Variants in GPC5 observed in about 807,000 individuals in gnomAD.
GPC5 encodes glypican-5.
A neutral mutation model predicts 53.9 loss-of-function variants in GPC5; 47 were observed. That is an observed-to-expected ratio of 0.87 (90% CI 0.69 to 1.11). The LOEUF is 1.11. GPC5 is among the 50% of genes most tolerant of loss of function. The pLI, the probability that GPC5 is intolerant of heterozygous loss-of-function variation, is 0.00. For missense variants in GPC5, 748 were observed against 713.1 expected (o/e 1.05, Z -0.56); for synonymous variants, 286 against 263.3 (o/e 1.09, Z -0.84).
rs143493150 is a variant in GPC5, at chr13:92,050,816, T to G, written c.1402-94014T>G. On this transcript the variant is annotated intron_variant, in intron 6 of 7. Coordinates refer to ENST00000377067, the MANE Select transcript of GPC5 (RefSeq NM_004466.6). ...CAGTGTTCCAAAAGATATTAATAGA[T>G]CACCCTAAGAAAACATAGCTTCAAG... Among the ~76,000 whole-genome samples the G allele has an allele frequency of 5.0e-3, 761 of 152,264 alleles. 5 individuals carry two copies. The highest frequency in any genetic ancestry group is 0.017 in the African/African-American group (714 of 41,546).
chr13:92,739,785 C>G (rs868400831), intron 7 of GPC5, among the ~76,000 whole-genome samples: 6 of 151,594 alleles, frequency 4.0e-5, no homozygotes, highest in South Asian at 2.1e-4. Context: ...AAAGAATAGT[C>G]CCTTGATCCA....
chr13:92,529,916 C>G (rs996982976), intron 7 of GPC5, among the ~76,000 whole-genome samples: 1 of 151,956 alleles, frequency 6.6e-6, no homozygotes, highest in Non-Finnish European at 1.5e-5. Context: ...AACCCCGTCT[C>G]TACTATAAAT....
intron 7 of GPC5, among the ~76,000 whole-genome samples, chr13:92,206,155 A>G (rs894347891): frequency 1.8e-5 from 1 of 54,926 alleles, no homozygotes; most frequent in Non-Finnish European, 3.5e-5. Flanking sequence ...TGTTTTTTTT[A>G]TTTTTTTTTT....
chr13:92,789,774 G>A (rs1876396965), intron 7 of GPC5, among the ~76,000 whole-genome samples: 1 of 152,072 alleles, frequency 6.6e-6, no homozygotes, highest in African/African-American at 2.4e-5. Flanking sequence ...TAGGATAGAT[G>A]TATATATGAA....
At chr13:91,962,860 C>T (rs980744428) in intron 6 of GPC5, among the ~76,000 whole-genome samples, 2 of 152,100 alleles carry the variant, frequency 1.3e-5, no homozygotes, top group African/African-American at 4.8e-5. Context: ...CCAATTTAGC[C>T]TACTGGTGTG....
chr13:91,888,138 G>C (rs921871329), intron 5 of GPC5, among the ~76,000 whole-genome samples: 2 of 152,180 alleles, frequency 1.3e-5, no homozygotes, highest in African/African-American at 4.8e-5. Flanking sequence ...TCACAATCAT[G>C]GCAGAAGATG....
At chr13:91,503,732 A>T (rs1283202007) in intron 2 of GPC5, among the ~76,000 whole-genome samples, 7 of 150,422 alleles carry the variant, frequency 4.7e-5, no homozygotes, top group Non-Finnish European at 1.0e-4. Flanking sequence ...GTGAGCCAAG[A>T]TCATACCATT....
chr13:92,265,174 T>G (rs1471961667), intron 7 of GPC5, among the ~76,000 whole-genome samples: 1 of 152,068 alleles, frequency 6.6e-6, no homozygotes, highest in Non-Finnish European at 1.5e-5. Context: ...GCCATACCCT[T>G]AGTATTCTCT....
intron 7 of GPC5, among the ~76,000 whole-genome samples, chr13:92,799,324 T>G (rs1405118002): frequency 6.6e-6 from 1 of 151,810 alleles, no homozygotes; most frequent in Non-Finnish European, 1.5e-5. Context: ...ATTTATATGT[T>G]AAATTAGCAG....
intron 6 of GPC5, among the ~76,000 whole-genome samples, chr13:92,119,610 C>T (rs60660622): frequency 0.47 from 57,818 of 121,744 alleles, 13,261 homozygotes; most frequent in Admixed American, 0.57. Context: ...TTAGTAGAGA[C>T]GGGGTTTCAC....
intron 7 of GPC5, among the ~76,000 whole-genome samples, chr13:92,846,991 C>T (rs1244148441): frequency 6.6e-6 from 1 of 152,154 alleles, no homozygotes; most frequent in Non-Finnish European, 1.5e-5. Context: ...TCTAAGACTA[C>T]ATGGAGATGC....
At chr13:91,994,311 G>A (rs549779635) in intron 6 of GPC5, among the ~76,000 whole-genome samples, 141 of 152,234 alleles carry the variant, frequency 9.3e-4, no homozygotes, top group African/African-American at 3.3e-3. Context: ...ATCCATAATT[G>A]TGCCTGACAC....
At chr13:92,600,758 C>T (rs1321699009) in intron 7 of GPC5, among the ~76,000 whole-genome samples, 5 of 151,858 alleles carry the variant, frequency 3.3e-5, no homozygotes, top group African/African-American at 4.8e-5. Context: ...GCACACACCT[C>T]GGCCTCCCAA....
At chr13:92,384,818 T>A (rs897726683) in intron 7 of GPC5, among the ~76,000 whole-genome samples, 5 of 152,178 alleles carry the variant, frequency 3.3e-5, no homozygotes, top group Non-Finnish European at 5.9e-5. Flanking sequence ...GATGGAATCA[T>A]GCATTAATGA....
At chr13:92,568,005 A>G (rs1882912895) in intron 7 of GPC5, among the ~76,000 whole-genome samples, 1 of 152,172 alleles carries the variant, frequency 6.6e-6, no homozygotes, top group African/African-American at 2.4e-5. Flanking sequence ...AGCAATAGAG[A>G]CTAACAGAAT....
intron 6 of GPC5, among the ~76,000 whole-genome samples, chr13:92,057,963 T>C (rs2041089967): frequency 6.6e-6 from 1 of 152,132 alleles, no homozygotes. Context: ...GCAGGTTAGT[T>C]CTGGACGGAG....
intron 2 of GPC5, among the ~76,000 whole-genome samples, chr13:91,478,404 GT>G (rs1272673554): frequency 2.0e-5 from 3 of 151,402 alleles, no homozygotes; most frequent in Non-Finnish European, 4.4e-5. Context: ...ATTTTTTAAT[GT>G]CATAAAAATG....
chr13:92,724,563 AACATAC>A, intron 7 of GPC5, among the ~76,000 whole-genome samples: 1 of 151,794 alleles, frequency 6.6e-6, no homozygotes, highest in East Asian at 1.9e-4. Context: ...CATTTGCAAC[AACATAC>A]ATGAACCTAG....
chr13:91,728,507 C>T (rs1490766816), intron 3 of GPC5, 25 bp from the exon 4 acceptor site: 2 of 1,600,868 alleles, frequency 1.2e-6, no homozygotes, highest in Admixed American at 1.7e-5. Context: ...TTTCTAACTA[C>T]CTTTTAATGT....
Sources: allele counts gnomAD v4.1 joint callset (sites outside exome capture counted in the v4.1 genomes callset), GRCh38; gene constraint gnomAD v4.1.1; transcripts MANE v1.5; gene names NCBI Gene and HGNC (gene_info 2026-07-23, HGNC 2026-07-21).